Variants in CIAO2A observed in about 807,000 individuals in gnomAD.
CIAO2A encodes cytosolic iron-sulfur assembly component 2A, also known as MIP18 family protein FAM96A.
CIAO2A carries 17 observed loss-of-function variants against 22.4 expected under a neutral mutation model. That is an observed-to-expected ratio of 0.76 (90% CI 0.52 to 1.14). CIAO2A has a LOEUF of 1.14. Among genes scored for constraint, CIAO2A ranks in the 50% most tolerant of loss-of-function variants. The probability of loss-of-function intolerance (pLI) is 0.00; values close to 1 mark genes in which losing one functional copy is unlikely to be tolerated. For synonymous variants in CIAO2A, 74 were observed against 72.3 expected (o/e 1.02, Z -0.12); for missense variants, 192 against 191.4 (o/e 1.00, Z -0.02).
intron 2 of CIAO2A, among the ~76,000 whole-genome samples, chr15:64,081,535 CTT>C (rs1216160284): frequency 5.4e-5 from 2 of 37,088 alleles, no homozygotes; most frequent in Non-Finnish European, 6.8e-5. Flanking sequence ...CTCATTAAGC[CTT>C]TTTTTTTTTT....
intron 3 of CIAO2A, among the ~76,000 whole-genome samples, chr15:64,080,653 G>C (rs950858650): frequency 4.6e-5 from 7 of 152,162 alleles, no homozygotes; most frequent in African/African-American, 1.7e-4. Flanking sequence ...CTGAACTCCA[G>C]CCTGGGTGAC....
intron 2 of CIAO2A, among the ~76,000 whole-genome samples, chr15:64,081,534 CCT>C (rs1491090460): frequency 0.056 from 1,362 of 24,398 alleles, 73 homozygotes; most frequent in Non-Finnish European, 0.099. Context: ...ACTCATTAAG[CCT>C]TTTTTTTTTT....
rs774877523 is a variant in CIAO2A, at chr15:64,093,780, G to C, written c.-12C>G. 1.2e-6 allele frequency: 2 copies of C among 1,609,122 alleles called. No individual in the cohort carries two copies. The highest frequency in any genetic ancestry group is 1.7e-5 in the Admixed American group (1 of 59,746). On this transcript the variant is annotated 5_prime_UTR_variant, in exon 1 of 5. Coordinates refer to ENST00000300030, the MANE Select transcript of CIAO2A (RefSeq NM_032231.7). ...GACACCCGCTGCATCTTCACGCTCA[G>C]CCATCCCTGGCGACTGTCCCAATCG...
intron 3 of CIAO2A, among the ~76,000 whole-genome samples, chr15:64,080,295 C>T (rs997347253): frequency 2.6e-5 from 4 of 151,960 alleles, no homozygotes; most frequent in Non-Finnish European, 4.4e-5. Flanking sequence ...GGCTGAAGCA[C>T]GAGAATCGCT....
At chr15:64,076,207 C>G (rs756672324) in intron 3 of CIAO2A, among the ~76,000 whole-genome samples, 7 of 152,080 alleles carry the variant, frequency 4.6e-5, no homozygotes, top group Non-Finnish European at 1.0e-4. Context: ...AACTCGGTAT[C>G]TAAACTTCCT....
At position 64,083,041 on chromosome 15, in the gene CIAO2A, G is replaced by GTAA. The variant is rs546473361; in HGVS notation, c.290-1893_290-1891dup. Among the ~76,000 whole-genome samples, 124 of 148,572 alleles carry GTAA rather than the reference G, an allele frequency of 8.3e-4. 1 individual carries two copies. The East Asian group carries it at 9.2e-3, about 11-fold the overall frequency. ...ACGTAGCAAGACCCCATCTCTAAAA[G>GTAA]TAATAATAATAATAATAATAATAAA... On this transcript the variant is annotated intron_variant, in intron 2 of 4. Transcript: ENST00000300030.
chr15:64,085,397 C>G (rs1026221007), intron 2 of CIAO2A, among the ~76,000 whole-genome samples: 1 of 152,076 alleles, frequency 6.6e-6, no homozygotes, highest in African/African-American at 2.4e-5. Context: ...TTTCAGGAGA[C>G]TGAGGTGGGA....
rs191522191 is a variant in CIAO2A, at chr15:64,093,066, G to A, written c.124+579C>T. Among the ~76,000 whole-genome samples the A allele has an allele frequency of 4.2e-4, 64 of 152,372 alleles. 1 individual carries two copies. The highest frequency in any genetic ancestry group is 1.4e-3 in the African/African-American group (60 of 41,592). ...AATATTTAATATGCAACATGGAAGA[G>A]TGTGTATGTGTGTGTGTGCGTTATG... On this transcript the variant is annotated intron_variant, in intron 1 of 4. Transcript: ENST00000300030.
chr15:64,091,557 C>G (rs964525726), intron 1 of CIAO2A, among the ~76,000 whole-genome samples: 1 of 151,850 alleles, frequency 6.6e-6, no homozygotes, highest in Non-Finnish European at 1.5e-5. Flanking sequence ...GCTTCTCTTT[C>G]ACAGAGCTGT....
chr15:64,092,841 T>C (rs1291121860), intron 1 of CIAO2A, among the ~76,000 whole-genome samples: 1 of 152,180 alleles, frequency 6.6e-6, no homozygotes, highest in African/African-American at 2.4e-5. Context: ...TCAAAAACAA[T>C]ACAACATAAT....
intron 3 of CIAO2A, among the ~76,000 whole-genome samples, chr15:64,076,782 T>C (rs1355381122): frequency 6.7e-6 from 1 of 148,722 alleles, no homozygotes; most frequent in Non-Finnish European, 1.5e-5. Flanking sequence ...TGGAGTGCAG[T>C]GGCGCGATCA....
At chr15:64,092,724 A>G (rs866694932) in intron 1 of CIAO2A, among the ~76,000 whole-genome samples, 1 of 152,238 alleles carries the variant, frequency 6.6e-6, no homozygotes, top group African/African-American at 2.4e-5. Context: ...TAGCTCCCAG[A>G]GTATTTCCTA....
intron 2 of CIAO2A, 40 bp from the exon 3 acceptor site, chr15:64,081,191 G>A: frequency 6.3e-7 from 1 of 1,582,704 alleles, no homozygotes; most frequent in Non-Finnish European, 8.7e-7. Flanking sequence ...TCTCTTTATT[G>A]CTTCTTATTG....
At chr15:64,084,259 C>T (rs925837696) in intron 2 of CIAO2A, among the ~76,000 whole-genome samples, 5 of 152,092 alleles carry the variant, frequency 3.3e-5, no homozygotes, top group African/African-American at 4.8e-5. Flanking sequence ...CCTCTCGCCT[C>T]GGCCTCCCAA....
intron 1 of CIAO2A, chr15:64,090,303 A>G (rs979496646): frequency 6.2e-6 from 1 of 161,272 alleles, no homozygotes; most frequent in Non-Finnish European, 1.4e-5. Context: ...AGATCCCGCC[A>G]TTGCATTCCA....
At chr15:64,093,534 CA>C (rs879688998) in intron 1 of CIAO2A, 110 bp downstream of exon 1, 1,553 of 1,237,578 alleles carry the variant, frequency 1.3e-3, no homozygotes, top group South Asian at 2.3e-3. Flanking sequence ...AACAAACAAA[CA>C]AAAAAAAAGG....
At chr15:64,092,418 G>A (rs538672137) in intron 1 of CIAO2A, among the ~76,000 whole-genome samples, 1 of 152,186 alleles carries the variant, frequency 6.6e-6, no homozygotes, top group Admixed American at 6.5e-5. Flanking sequence ...GATCCCCTCA[G>A]TCAGAGACTA....
chr15:64,081,092 T>A lies in CIAO2A; in HGVS notation c.339+10A>T. ...CAACAACAACAACAACAAAAATACA[T>A]CTTTCTTACCTTATGTTTAAATGGT... On this transcript the variant is annotated intron_variant, in intron 3 of 4. Coordinates refer to ENST00000300030, the MANE Select transcript of CIAO2A (RefSeq NM_032231.7). 6 of 1,611,508 alleles carry A rather than the reference T, an allele frequency of 3.7e-6. No homozygotes were observed. The highest frequency in any genetic ancestry group is 5.1e-6 in the Non-Finnish European group (6 of 1,178,986).
chr15:64,077,492 C>G (rs886573411), intron 3 of CIAO2A, among the ~76,000 whole-genome samples: 2 of 152,156 alleles, frequency 1.3e-5, no homozygotes, highest in African/African-American at 4.8e-5. Flanking sequence ...ATGAACTATA[C>G]TTCAGGGTAA....
Sources: gnomAD v4.1 joint callset for allele counts (sites outside exome capture counted in the v4.1 genomes callset) on GRCh38, gnomAD v4.1.1 for gene constraint, MANE v1.5 for transcripts, NCBI Gene and HGNC (gene_info 2026-07-23, HGNC 2026-07-21) for gene names.